The following OSGEPL1 variants were observed in gnomAD, a reference collection of about 807,000 sequenced individuals.
The protein encoded by OSGEPL1 is O-sialoglycoprotein endopeptidase like 1.
A neutral mutation model predicts 37.2 loss-of-function variants in OSGEPL1; 26 were observed. That is an observed-to-expected ratio of 0.70 (90% CI 0.51 to 0.97). The LOEUF (loss-of-function observed/expected upper bound fraction) is 0.97, where lower values mean the gene tolerates loss of function less well. Among genes scored for constraint, OSGEPL1 ranks in the 50% least tolerant of loss-of-function variants. The pLI is 0.00. For synonymous variants in OSGEPL1, 140 were observed against 159.9 expected (o/e 0.88, Z 0.94); for missense variants, 404 against 487.0 (o/e 0.83, Z 1.60).
intron 5 of OSGEPL1, 136 bp downstream of exon 5, chr2:189,753,780 T>G: frequency 1.1e-6 from 1 of 949,314 alleles, no homozygotes; most frequent in Non-Finnish European, 1.5e-6. Context: ...GTCTTTCCTA[T>G]CCTGCATAAT....
upstream of OSGEPL1, chr2:189,763,049 T>A: frequency 1.0e-6 from 1 of 984,080 alleles, no homozygotes; most frequent in Middle Eastern, 5.2e-4. Flanking sequence ...AAAAAGAAAT[T>A]TTTTTTTTGC....
intron 2 of OSGEPL1, among the ~76,000 whole-genome samples, chr2:189,755,839 C>T (rs559659052): frequency 6.6e-6 from 1 of 152,236 alleles, no homozygotes; most frequent in Admixed American, 6.5e-5. Context: ...GTAAAGCATT[C>T]CATACAAGTT....
chr2:189,759,268 A>G (rs1489198414), intron 2 of OSGEPL1, among the ~76,000 whole-genome samples: 1 of 146,230 alleles, frequency 6.8e-6, no homozygotes, highest in Non-Finnish European at 1.5e-5. Context: ...TTTTTTTTTG[A>G]GACAGACTCT....
chr2:189,758,972 G>A (rs1365911897), intron 2 of OSGEPL1, among the ~76,000 whole-genome samples: 1 of 152,196 alleles, frequency 6.6e-6, no homozygotes, highest in Non-Finnish European at 1.5e-5. Flanking sequence ...AAAGGACTGT[G>A]AAGCTGAGGC....
In OSGEPL1 at chr2:189,752,853, C is replaced by T; in HGVS notation, c.1090G>A (p.Ala364Thr). 6.2e-7 allele frequency: 1 copy of T among 1,613,482 alleles called. No individual in the cohort carries two copies. Among genetic ancestry groups the T allele is most frequent in the Non-Finnish European group, 8.5e-7 (1 of 1,179,672 alleles). ...RLCTDNGIMI[A>T]WNGIERLRAG... ...CACGTATATCCTGTGGCTTACCATGCAATCATAATGCCATTATCAGTGCAT... is the reference window on the plus strand; with the variant it reads ...CACGTATATCCTGTGGCTTACCATGTAATCATAATGCCATTATCAGTGCAT... Residue 364 changes from alanine (A) to threonine (T), a missense_variant, in exon 6 of 9, where the codon GCA (alanine) becomes ACA (threonine). Coordinates refer to ENST00000264151, the MANE Select transcript of OSGEPL1 (RefSeq NM_022353.3).
intron 2 of OSGEPL1, among the ~76,000 whole-genome samples, chr2:189,757,863 T>C (rs1012794292): frequency 6.6e-6 from 1 of 152,252 alleles, no homozygotes; most frequent in Admixed American, 6.5e-5. Context: ...AAGTGACCTA[T>C]GCTCTAGCTA....
intron 2 of OSGEPL1, among the ~76,000 whole-genome samples, chr2:189,758,923 T>C (rs1488746523): frequency 6.6e-6 from 1 of 152,188 alleles, no homozygotes; most frequent in Non-Finnish European, 1.5e-5. Context: ...GCCATTAACT[T>C]TTACATGTTC....
chr2:189,762,653 C>T, intron 1 of OSGEPL1, 32 bp downstream of exon 1: 2 of 985,430 alleles, frequency 2.0e-6, no homozygotes, highest in Non-Finnish European at 2.4e-6. Context: ...GCAAAAGCGT[C>T]AGTGGGGTGA....
At chr2:189,759,546 A>G (rs1401760966) in intron 2 of OSGEPL1, among the ~76,000 whole-genome samples, 1 of 152,098 alleles carries the variant, frequency 6.6e-6, no homozygotes, top group Non-Finnish European at 1.5e-5. Flanking sequence ...CACAGCGCCC[A>G]GCCAATTTTC....
At position 189,746,766 on chromosome 2, in the gene OSGEPL1, C is replaced by G. The variant is rs2044219633; in HGVS notation, c.*431G>C. ...TGATCTCGATACTAAGCAGATTTTCCTTAGCATGTCTACAGGAATTTAGTG... is the reference window on the plus strand; with the variant it reads ...TGATCTCGATACTAAGCAGATTTTCGTTAGCATGTCTACAGGAATTTAGTG... On this transcript the variant is annotated 3_prime_UTR_variant, in exon 9 of 9. Coordinates refer to ENST00000264151, the MANE Select transcript of OSGEPL1 (RefSeq NM_022353.3). The G allele has an allele frequency of 1.0e-6, 1 of 975,744 alleles. No homozygotes were observed. Among genetic ancestry groups the G allele is most frequent in the Non-Finnish European group, 1.4e-6 (1 of 698,176 alleles). The allele number at this position is 975,744 out of a possible 1,614,324, so 60.4% of individuals were successfully genotyped here.
At chr2:189,762,819 C>G, upstream of OSGEPL1, 1 of 985,476 alleles carries the variant, frequency 1.0e-6, no homozygotes, top group Non-Finnish European at 1.2e-6. Context: ...AAGGTCCCGT[C>G]CAGAGCTGGC....
intron 8 of OSGEPL1, 88 bp downstream of exon 8, chr2:189,750,462 A>G (rs2044996222): frequency 5.4e-6 from 3 of 556,434 alleles, no homozygotes; most frequent in Non-Finnish European, 9.4e-6. Flanking sequence ...AAAAAAAAAA[A>G]TAAAATCTTG....
At chr2:189,759,497 G>A (rs1472264319) in intron 2 of OSGEPL1, among the ~76,000 whole-genome samples, 2 of 152,040 alleles carry the variant, frequency 1.3e-5, no homozygotes, top group Non-Finnish European at 2.9e-5. Flanking sequence ...TGGTCCACTT[G>A]CCTCGGCCTC....
intron 8 of OSGEPL1, among the ~76,000 whole-genome samples, chr2:189,750,250 G>A (rs2044946972): frequency 6.6e-6 from 1 of 152,192 alleles, no homozygotes; most frequent in Non-Finnish European, 1.5e-5. Flanking sequence ...AAAGTCCTAG[G>A]CCTGTATGAT....
intron 2 of OSGEPL1, among the ~76,000 whole-genome samples, chr2:189,758,797 A>G (rs1039978518): frequency 6.6e-6 from 1 of 152,218 alleles, no homozygotes; most frequent in Admixed American, 6.5e-5. Context: ...TACATACACA[A>G]GCAAATGTAT....
intron 2 of OSGEPL1, among the ~76,000 whole-genome samples, chr2:189,758,960 T>C (rs2046526601): frequency 6.6e-6 from 1 of 152,196 alleles, no homozygotes; most frequent in Non-Finnish European, 1.5e-5. Flanking sequence ...CAGGAAAAAC[T>C]GAAAGGACTG....
Position 189,762,756 on chromosome 2 carries a change from T to G in OSGEPL1, c.-92A>C, listed in dbSNP as rs774809413. 2.0e-5 allele frequency: 20 copies of G among 985,392 alleles called. No individual in the cohort carries two copies. The highest frequency in any genetic ancestry group is 2.3e-5 in the Non-Finnish European group (19 of 830,036). The allele number at this position is 985,392 out of a possible 1,614,324, so 61.0% of individuals were successfully genotyped here. A position where few individuals can be genotyped will look rare whatever the true frequency, so the allele number is the denominator to read the frequency against. ...AAAGACTGTCGACTGCCCTTATCGC[T>G]GCAGGAGAAAGCCCGAACCTGGCGC... On this transcript the variant is annotated 5_prime_UTR_variant, in exon 1 of 9. Transcript: ENST00000264151.
At position 189,760,209 on chromosome 2, in the gene OSGEPL1, C is replaced by T. The variant is rs538276495; in HGVS notation, c.221+1211G>A. On this transcript the variant is annotated intron_variant, in intron 2 of 8. Coordinates refer to ENST00000264151, the MANE Select transcript of OSGEPL1 (RefSeq NM_022353.3). ...ATCTCTCTTTCTTTTCCCCACATTT[C>T]CCCCTTTTCTATTCGACAAAACCGC... Among the ~76,000 whole-genome samples the T allele has an allele frequency of 2.0e-5, 3 of 152,324 alleles. No homozygotes were observed. The South Asian group carries it at 6.2e-4, about 32-fold the overall frequency.
chr2:189,747,615 G>C (rs960317088), intron 8 of OSGEPL1, among the ~76,000 whole-genome samples: 1 of 152,136 alleles, frequency 6.6e-6, no homozygotes, highest in African/African-American at 2.4e-5. Context: ...AGCAATGTCT[G>C]CTTCTCCTAT....
Sources: allele counts gnomAD v4.1 joint callset (sites outside exome capture counted in the v4.1 genomes callset), GRCh38; gene constraint gnomAD v4.1.1; transcripts MANE v1.5; gene names NCBI Gene and HGNC (gene_info 2026-07-23, HGNC 2026-07-21).